STAT5A: variants seen among roughly 807,000 people sequenced by gnomAD.
STAT5A encodes the protein signal transducer and activator of transcription 5A, also known as epididymis secretory sperm binding protein.
STAT5A carries 26 observed loss-of-function variants against 100.2 expected under a neutral mutation model. The observed-to-expected ratio is 0.26, with a 90% CI of 0.19 to 0.36. The LOEUF (loss-of-function observed/expected upper bound fraction) is 0.36, where lower values mean the gene tolerates loss of function less well. STAT5A is among the 10% of genes least tolerant of loss of function. STAT5A has a pLI of 1.00. For synonymous variants in STAT5A, 330 were observed against 424.3 expected, an observed-to-expected ratio of 0.78 and a Z score of 2.73; for missense variants, 634 against 1,027.5, an observed-to-expected ratio of 0.62 and a Z score of 5.24.
chr17:42,288,789 C>T lies in STAT5A; in HGVS notation c.-11+191C>T, dbSNP rs917165026. Among the ~76,000 whole-genome samples, 7 of 152,158 alleles carry T rather than the reference C, an allele frequency of 4.6e-5. No homozygotes were observed. Among genetic ancestry groups the T allele is most frequent in the Admixed American group, 2.6e-4 (4 of 15,286 alleles). On this transcript the variant is annotated intron_variant, in intron 1 of 18. Transcript: ENST00000590949. This position sits in a 1 kb window ranked among gnomAD's most constrained non-coding sequence, Gnocchi z 4.8. ...GGGGACAGGGGTCGGGGATGAAAGG[C>T]AGAGGCCAGGGAGGGCGCCGTCCTG...
rs998980499 is a variant in STAT5A, at chr17:42,308,450, C to T, written c.2062+117C>T. 3 of 1,464,872 alleles carry T rather than the reference C, an allele frequency of 2.0e-6. No homozygotes were observed. The highest frequency in any genetic ancestry group is 1.9e-6 in the Non-Finnish European group (2 of 1,076,600). The allele number at this position is 1,464,872 out of a possible 1,614,324, so 90.7% of individuals were successfully genotyped here. A position where few individuals can be genotyped will look rare whatever the true frequency, so the allele number is the denominator to read the frequency against. On this transcript the variant is annotated intron_variant, in intron 16 of 18. Coordinates refer to ENST00000590949, the MANE Select transcript of STAT5A (RefSeq NM_001288718.2). The surrounding 1 kb of genome is among the most constrained non-coding windows in gnomAD (Gnocchi z 4.6). ...CCAGGAGGAGCCTAGGGGCCATGTC[C>T]CCTGTGGGTTTTGGCCCATGGGGTG...
At chr17:42,307,822 T>C (rs1490012777) in intron 15 of STAT5A, 99 bp downstream of exon 15, 3 of 1,515,068 alleles carry the variant, frequency 2.0e-6, no homozygotes, top group Non-Finnish European at 2.7e-6. Flanking sequence ...CCTTAGAAGG[T>C]ACCCAGCGGG....
intron 7 of STAT5A, 139 bp from the exon 8 acceptor site, chr17:42,300,576 G>A (rs2080967207): frequency 2.6e-6 from 2 of 763,602 alleles, no homozygotes; most frequent in Non-Finnish European, 4.3e-6. Flanking sequence ...CTGGGAGGCA[G>A]GGAGCTCTGC....
chr17:42,291,176 G>C (rs1056108127), intron 3 of STAT5A, among the ~76,000 whole-genome samples: 1 of 152,240 alleles, frequency 6.6e-6, no homozygotes, highest in African/African-American at 2.4e-5. Flanking sequence ...CGCATGTGCA[G>C]TTCACAATAG....
Position 42,301,276 on chromosome 17 carries a change from A to T in STAT5A, c.991A>T (p.Thr331Ser), listed in dbSNP as rs757694677. The change falls in exon 9 of 19, where the codon ACA (threonine) becomes TCA (serine). Residue 331 changes from threonine (T) to serine (S), a missense_variant and splice_region_variant. Coordinates refer to ENST00000590949, the MANE Select transcript of STAT5A (RefSeq NM_001288718.2). Reference protein sequence around the residue: ...TDIISALVTSTFIIEKQPPQV... With the variant: ...TDIISALVTSSFIIEKQPPQV... The stretch of plus-strand genomic sequence containing the variant: ...TGTCTGTCCCTGTGTCCCATGCAGC[A>T]CATTCATCATTGAGAAGCAGCCTCC... 1.2e-6 allele frequency: 2 copies of T among 1,613,330 alleles called. No individual in the cohort carries two copies. The highest frequency in any genetic ancestry group is 2.7e-5 in the African/African-American group (2 of 74,690).
At chr17:42,298,540 C>T (rs1439163144) in intron 5 of STAT5A, among the ~76,000 whole-genome samples, 1 of 149,232 alleles carries the variant, frequency 6.7e-6, no homozygotes, top group Non-Finnish European at 1.5e-5. Flanking sequence ...GGCCCAATCT[C>T]GGCTCACTGC....
intron 11 of STAT5A, 46 bp from the exon 12 acceptor site, chr17:42,305,564 C>A: frequency 2.6e-6 from 4 of 1,530,848 alleles, no homozygotes; most frequent in Non-Finnish European, 3.6e-6. Flanking sequence ...GCAGAGGGCA[C>A]GTGGTGGTCA....
At chr17:42,303,004 T>G (rs771256106) in intron 9 of STAT5A, among the ~76,000 whole-genome samples, 2 of 147,480 alleles carry the variant, frequency 1.4e-5, no homozygotes, top group Non-Finnish European at 3.0e-5. Flanking sequence ...TTCCAGCACT[T>G]TGGGAGGCCC....
At chr17:42,295,154 G>A (rs1365948011) in intron 4 of STAT5A, among the ~76,000 whole-genome samples, 2 of 152,178 alleles carry the variant, frequency 1.3e-5, no homozygotes, top group Non-Finnish European at 2.9e-5. Flanking sequence ...GTGAGATGGT[G>A]TGTGTTCACA....
chr17:42,308,076 A>G lies in STAT5A; in HGVS notation c.1907-102A>G. The G allele has an allele frequency of 2.0e-6, 3 of 1,498,510 alleles. No individual in the cohort carries two copies. The highest frequency in any genetic ancestry group is 1.3e-5 in the South Asian group (1 of 77,938). The allele number at this position is 1,498,510 out of a possible 1,614,324, so 92.8% of individuals were successfully genotyped here. On this transcript the variant is annotated intron_variant, in intron 15 of 18. Coordinates refer to ENST00000590949, the MANE Select transcript of STAT5A (RefSeq NM_001288718.2). The surrounding 1 kb of genome is among the most constrained non-coding windows in gnomAD (Gnocchi z 4.6). ...GGCTGGGGCTGCAGCGCAAGCTACT[A>G]TATAAAAGCCCAGATTTCTCTTGCA...
intron 5 of STAT5A, among the ~76,000 whole-genome samples, chr17:42,297,332 G>A (rs1391122374): frequency 6.6e-5 from 10 of 152,180 alleles, no homozygotes; most frequent in Non-Finnish European, 8.8e-5. Flanking sequence ...GAATGGAAAC[G>A]GAAGATTTTG....
At chr17:42,293,115 CA>C (rs1376367547) in intron 4 of STAT5A, among the ~76,000 whole-genome samples, 1 of 152,230 alleles carries the variant, frequency 6.6e-6, no homozygotes, top group Non-Finnish European at 1.5e-5. Context: ...TGCAATAGAG[CA>C]AAATGAATTT....
intron 18 of STAT5A, among the ~76,000 whole-genome samples, chr17:42,309,946 C>T (rs948336854): frequency 6.6e-6 from 1 of 152,166 alleles, no homozygotes; most frequent in Non-Finnish European, 1.5e-5. Context: ...TGGGAGGTAC[C>T]ACCTTCCAGT....
At position 42,310,973 on chromosome 17, in the gene STAT5A, C is replaced by A; in HGVS notation, c.*304C>A. The stretch of plus-strand genomic sequence containing the variant: ...CTCAATGCAGCCAGACCTATTCCTC[C>A]TGGGCCCCTCATCTGCTCAGCAGCT... On this transcript the variant is annotated 3_prime_UTR_variant, in exon 19 of 19. Transcript: ENST00000590949. 1 of 407,622 alleles carries A rather than the reference C, an allele frequency of 2.5e-6. No homozygotes were observed. Among genetic ancestry groups the A allele is most frequent in the South Asian group, 3.0e-5 (1 of 33,086 alleles). 25.3% of individuals were successfully genotyped at this position (407,622 alleles called of 1,614,324 possible). A position where few individuals can be genotyped will look rare whatever the true frequency, so the allele number is the denominator to read the frequency against.
chr17:42,307,313 G>A, intron 13 of STAT5A, 89 bp from the exon 14 acceptor site: 3 of 1,327,558 alleles, frequency 2.3e-6, no homozygotes, highest in Non-Finnish European at 3.2e-6. Flanking sequence ...ACTGGGAGAA[G>A]ACTGGGTGGG....
At position 42,308,769 on chromosome 17, in the gene STAT5A, G is replaced by C. The variant is rs997964772; in HGVS notation, c.2063-278G>C. 3.7e-6 allele frequency: 2 copies of C among 539,448 alleles called. No homozygotes were observed. The highest frequency in any genetic ancestry group is 6.6e-6 in the Non-Finnish European group (2 of 300,934). The allele number at this position is 539,448 out of a possible 1,614,324, so 33.4% of individuals were successfully genotyped here. A position where few individuals can be genotyped will look rare whatever the true frequency, so the allele number is the denominator to read the frequency against. ...TGCCCCAAATCCATTGGTTGGGTTT[G>C]CTTGTTGATTCTCATTCTTTGACAG... On this transcript the variant is annotated intron_variant, in intron 16 of 18. Transcript: ENST00000590949. The surrounding 1 kb of genome is among the most constrained non-coding windows in gnomAD (Gnocchi z 4.6).
chr17:42,307,038 C>T lies in STAT5A; in HGVS notation c.1681-364C>T, dbSNP rs966474460. 6.6e-5 allele frequency among the ~76,000 whole-genome samples: 10 copies of T among 152,016 alleles called. No homozygotes were observed. In the South Asian group the frequency reaches 1.5e-3, roughly 22 times the overall value. ...CCTGTGGCTCTGGCTCTCCTTCTGC[C>T]TCTCTCCTTGCTAATTTTTGAAGAC... On this transcript the variant is annotated intron_variant, in intron 13 of 18. Coordinates refer to ENST00000590949, the MANE Select transcript of STAT5A (RefSeq NM_001288718.2).
At chr17:42,293,837 A>T (rs1016427310) in intron 4 of STAT5A, among the ~76,000 whole-genome samples, 1 of 152,238 alleles carries the variant, frequency 6.6e-6, no homozygotes, top group African/African-American at 2.4e-5. Flanking sequence ...GGAGGGCATG[A>T]ATCTTCTTAT....
In STAT5A at chr17:42,311,215, G is replaced by C. The variant is rs1185254188; in HGVS notation, c.*546G>C. 1 of 163,722 alleles carries C rather than the reference G, an allele frequency of 6.1e-6. No homozygotes were observed. Among genetic ancestry groups the C allele is most frequent in the East Asian group, 1.6e-4 (1 of 6,224 alleles). 10.1% of individuals were successfully genotyped at this position (163,722 alleles called of 1,614,324 possible). On this transcript the variant is annotated 3_prime_UTR_variant, in exon 19 of 19. Transcript: ENST00000590949. ...AAGGGAGGCTGGGGTTCATTTTCGAGTAGTATTTTATACTTTAGTGAACGT... is the reference window on the plus strand; with the variant it reads ...AAGGGAGGCTGGGGTTCATTTTCGACTAGTATTTTATACTTTAGTGAACGT...
Sources: gnomAD v4.1 joint callset for allele counts (sites outside exome capture counted in the v4.1 genomes callset) on GRCh38, gnomAD v4.1.1 for gene constraint, Gnocchi (gnomAD v3.1) non-coding constraint, MANE v1.5 for transcripts, NCBI Gene and HGNC (gene_info 2026-07-23, HGNC 2026-07-21) for gene names.